INSL6: variants seen among roughly 807,000 people sequenced by gnomAD.
INSL6 encodes the protein insulin like 6.
A neutral mutation model predicts 9.4 loss-of-function variants in INSL6; 16 were observed. The observed-to-expected ratio is 1.70, with a 90% CI of 1.15 to 2.59. The LOEUF is 2.59. Ranked by LOEUF, INSL6 falls within the 30% of genes most tolerant of loss-of-function variation. INSL6 has a pLI of 0.00. For missense variants in INSL6, 391 were observed against 257.3 expected (o/e 1.52, Z -3.56); for synonymous variants, 154 against 96.9 (o/e 1.59, Z -3.46).
chr9:5,155,889 G>A (rs1824806719), intron 2 of INSL6, among the ~76,000 whole-genome samples: 1 of 151,540 alleles, frequency 6.6e-6, no homozygotes, highest in Non-Finnish European at 1.5e-5. Context: ...TGCATGTTCT[G>A]CACATGTACC....
At chr9:5,174,349 CTTTCA>C (rs767144368) in intron 1 of INSL6, among the ~76,000 whole-genome samples, 2 of 152,186 alleles carry the variant, frequency 1.3e-5, no homozygotes, top group Admixed American at 1.3e-4. Context: ...TCTAATCAGA[CTTTCA>C]TTTCATCACT....
At chr9:5,117,268 G>A in the INSL6 span, among the ~76,000 whole-genome samples, 11 of 152,124 alleles carry the variant, frequency 7.2e-5, no homozygotes, top group African/African-American at 2.2e-4. Flanking sequence ...ATACATGGAC[G>A]CCCAGTACAT....
chr9:5,111,677 G>C, the INSL6 span: 39 of 420,672 alleles, frequency 9.3e-5, 1 homozygote, highest in East Asian at 2.5e-3. Flanking sequence ...CGGCCCTGTG[G>C]GCAGTGGCGG....
At chr9:5,055,682 A>G in the INSL6 span, 1 of 1,575,146 alleles carries the variant, frequency 6.3e-7, no homozygotes, top group Non-Finnish European at 8.7e-7. Context: ...TTACAGTTAT[A>G]TTGCGATTTT....
chr9:5,097,818 G>A, the INSL6 span: 1 of 152,200 alleles, frequency 6.6e-6, no homozygotes, highest in African/African-American at 2.4e-5. Flanking sequence ...CAGGAGCGGT[G>A]TTCGCCATCA....
the INSL6 span, among the ~76,000 whole-genome samples, chr9:5,063,694 A>G: frequency 2.6e-5 from 4 of 152,264 alleles, no homozygotes; most frequent in African/African-American, 7.2e-5. Context: ...GTTGCATAAG[A>G]GTGTTTTGAA....
the INSL6 span, among the ~76,000 whole-genome samples, chr9:5,034,734 A>C: frequency 6.6e-6 from 1 of 152,168 alleles, no homozygotes; most frequent in Non-Finnish European, 1.5e-5. Context: ...GACACATTCA[A>C]AGCAGTGTGT....
At chr9:5,158,553 T>C (rs970515872) in intron 2 of INSL6, among the ~76,000 whole-genome samples, 1 of 152,076 alleles carries the variant, frequency 6.6e-6, no homozygotes, top group Non-Finnish European at 1.5e-5. Flanking sequence ...GTGAAAACCT[T>C]ACAGGCCAGG....
At chr9:5,074,538 A>T in the INSL6 span, among the ~76,000 whole-genome samples, 1 of 152,154 alleles carries the variant, frequency 6.6e-6, no homozygotes, top group Non-Finnish European at 1.5e-5. Context: ...GGGTGTCCCA[A>T]ACAGAGAGAA....
chr9:5,177,081 G>C (rs1009202170), intron 1 of INSL6, among the ~76,000 whole-genome samples: 1 of 152,142 alleles, frequency 6.6e-6, no homozygotes, highest in Admixed American at 6.5e-5. Context: ...GGGTCGGGGG[G>C]AGTTGGGTGC....
chr9:5,031,456 A>G, the INSL6 span, among the ~76,000 whole-genome samples: 2 of 152,210 alleles, frequency 1.3e-5, no homozygotes, highest in African/African-American at 4.8e-5. Context: ...AAATCTTTTC[A>G]TATTAACGTG....
chr9:5,071,689 A>C, the INSL6 span, among the ~76,000 whole-genome samples: 1 of 152,172 alleles, frequency 6.6e-6, no homozygotes, highest in South Asian at 2.1e-4. Context: ...GAAAGACCCA[A>C]CTCATATCTG....
the INSL6 span, among the ~76,000 whole-genome samples, chr9:5,092,985 A>T: frequency 6.6e-6 from 1 of 152,216 alleles, no homozygotes; most frequent in Non-Finnish European, 1.5e-5. Context: ...CCAACAATTA[A>T]GAAAGTGTTC....
chr9:5,028,008 C>T, the INSL6 span, among the ~76,000 whole-genome samples: 1 of 152,196 alleles, frequency 6.6e-6, no homozygotes, highest in Admixed American at 6.5e-5. Flanking sequence ...TTTTGACCTC[C>T]TCTCATGAAC....
At chr9:5,107,897 G>C in the INSL6 span, 1 of 152,104 alleles carries the variant, frequency 6.6e-6, no homozygotes, top group Non-Finnish European at 1.5e-5. Flanking sequence ...ATACGGCCTA[G>C]ATTACACACA....
At chr9:5,013,718 C>A in the INSL6 span, among the ~76,000 whole-genome samples, 1 of 152,222 alleles carries the variant, frequency 6.6e-6, no homozygotes, top group South Asian at 2.1e-4. Flanking sequence ...CTTCTAAAAC[C>A]TTTCTTTGTT....
At chr9:5,078,537 A>C in the INSL6 span, 1 of 879,254 alleles carries the variant, frequency 1.1e-6, no homozygotes, top group Non-Finnish European at 1.7e-6. Flanking sequence ...AATTCCATTT[A>C]ATTTGTATGT....
chr9:5,102,081 ACAAACTTCTCCAAGCTAAAGGAGGATGTT>A, the INSL6 span, among the ~76,000 whole-genome samples: 1 of 152,182 alleles, frequency 6.6e-6, no homozygotes, highest in Non-Finnish European at 1.5e-5. Flanking sequence ...GTTGGTAATA[ACAAACTTCTCCAAGCTAAAGGAGGATGTT>A]CAAACCCATC....
intron 1 of INSL6, among the ~76,000 whole-genome samples, chr9:5,174,036 A>G (rs1212244176): frequency 6.6e-6 from 1 of 151,982 alleles, no homozygotes; most frequent in Non-Finnish European, 1.5e-5. Context: ...TGAACTATAC[A>G]CTCTAAAGCC....
Sources: gnomAD v4.1 joint callset for allele counts (sites outside exome capture counted in the v4.1 genomes callset) on GRCh38, gnomAD v4.1.1 for gene constraint, MANE v1.5 for transcripts, NCBI Gene and HGNC (gene_info 2026-07-23, HGNC 2026-07-21) for gene names.